The following OXGR1 variants were observed in gnomAD, a reference collection of about 807,000 sequenced individuals.
OXGR1 encodes 2-oxoglutarate receptor 1.
Under a neutral mutation model 10.0 loss-of-function variants are expected in OXGR1, and 10 were observed. The observed-to-expected ratio is 1.00, with a 90% CI of 0.62 to 1.70. The LOEUF (loss-of-function observed/expected upper bound fraction) is 1.70, where lower values mean the gene tolerates loss of function less well. Ranked by LOEUF, OXGR1 falls within the 40% of genes most tolerant of loss-of-function variation. The pLI, the probability that OXGR1 is intolerant of heterozygous loss-of-function variation, is 0.00. For missense variants in OXGR1, 398 were observed against 407.6 expected, an observed-to-expected ratio of 0.98 and a Z score of 0.20; for synonymous variants, 191 against 155.9, an observed-to-expected ratio of 1.22 and a Z score of -1.68.
chr13:96,993,636 A>C (rs1882169295), intron 1 of OXGR1, among the ~76,000 whole-genome samples: 1 of 152,232 alleles, frequency 6.6e-6, no homozygotes, highest in Non-Finnish European at 1.5e-5. Flanking sequence ...GGGAGAAACA[A>C]ATACAACTTC....
At chr13:96,992,680 A>G (rs1882117379) in intron 1 of OXGR1, 108 bp from the exon 2 acceptor site, 1 of 152,238 alleles carries the variant, frequency 6.6e-6, no homozygotes, top group Admixed American at 6.5e-5. Flanking sequence ...AGAAAGTGGG[A>G]TTAATGATGA....
At position 96,987,537 on chromosome 13, in the gene OXGR1, G is replaced by A; in HGVS notation, c.223C>T (p.Leu75=). 2 of 1,614,104 alleles carry A rather than the reference G, an allele frequency of 1.2e-6. No homozygotes were observed. Among genetic ancestry groups the A allele is most frequent in the South Asian group, 1.1e-5 (1 of 91,064 alleles). Residue 75 remains leucine (L), a synonymous_variant, in exon 4 of 4, where the codon CTG becomes TTG. Coordinates refer to ENST00000541038, the MANE Select transcript of OXGR1 (RefSeq NM_001346194.2). Reference sequence around the variant, plus strand: ...AGATACAGCAGATCTGTGCAGGCCAGGTTCAGCATAATGATGGTGCTGCTC... The same window carrying A: ...AGATACAGCAGATCTGTGCAGGCCAAGTTCAGCATAATGATGGTGCTGCTC... The part of the protein sequence containing the change: ...WKSSTIIMLN[L]ACTDLLYLTS...
rs1202635243 is a variant in OXGR1, at chr13:96,987,734, G to GCTAAAGAGT, written c.25_26insACTCTTTAG (p.Leu8_Ala9insAspSerLeu). On this transcript the variant is annotated inframe_insertion, in exon 4 of 4. Coordinates refer to ENST00000541038, the MANE Select transcript of OXGR1 (RefSeq NM_001346194.2). Reference sequence around the variant, plus strand: ...ATAATCGGGGAAATCAGAAGCATTTGCTAAATAGTCTAGTGGCTCATTCAT... The same window carrying GCTAAAGAGT: ...ATAATCGGGGAAATCAGAAGCATTTGCTAAAGAGTCTAAATAGTCTAGTGGCTCATTCAT... The GCTAAAGAGT allele has an allele frequency of 6.2e-7, 1 of 1,601,932 alleles. No homozygotes were observed. The highest frequency in any genetic ancestry group is 8.5e-7 in the Non-Finnish European group (1 of 1,173,186).
intron 2 of OXGR1, among the ~76,000 whole-genome samples, chr13:96,992,197 C>G (rs774040490): frequency 4.0e-4 from 60 of 151,702 alleles, no homozygotes; most frequent in Middle Eastern, 3.4e-3. Flanking sequence ...TGACCATAGT[C>G]ATAATAACTT....
chr13:96,991,390 C>T (rs1344417503), intron 2 of OXGR1, among the ~76,000 whole-genome samples: 1 of 152,174 alleles, frequency 6.6e-6, no homozygotes, highest in Non-Finnish European at 1.5e-5. Context: ...CAAATCATTT[C>T]AACTCAAAGG....
chr13:96,992,746 T>A (rs1435679817), intron 1 of OXGR1, among the ~76,000 whole-genome samples, 174 bp from the exon 2 acceptor site: 2 of 152,168 alleles, frequency 1.3e-5, no homozygotes, highest in Non-Finnish European at 2.9e-5. Flanking sequence ...GTTGGATAAG[T>A]TAAGCTCATT....
chr13:96,988,190 C>T (rs1309590430), intron 3 of OXGR1, among the ~76,000 whole-genome samples: 1 of 152,140 alleles, frequency 6.6e-6, no homozygotes, highest in Non-Finnish European at 1.5e-5. Flanking sequence ...TGATGCATGC[C>T]ACCATCACTT....
At chr13:96,994,623 TGC>T (rs1882228163), upstream of OXGR1, 1 of 152,110 alleles carries the variant, frequency 6.6e-6, no homozygotes, top group African/African-American at 2.4e-5. Context: ...GGAGGGTTGT[TGC>T]CCCAGGAGGG....
At position 96,987,562 on chromosome 13, in the gene OXGR1, C is replaced by T. The variant is rs1394448894; in HGVS notation, c.198G>A (p.Lys66=). ...GGTTCAGCATAATGATGGTGCTGCT[C>T]TTCCAAGGTCTCATTTTGAAAATGT... The part of the protein sequence containing the change: ...STYIFKMRPW[K]SSTIIMLNLA... Residue 66 remains lysine, a synonymous_variant, in exon 4 of 4, where the codon AAG becomes AAA. Coordinates refer to ENST00000541038, the MANE Select transcript of OXGR1 (RefSeq NM_001346194.2). The T allele has an allele frequency of 6.2e-7, 1 of 1,614,096 alleles. No homozygotes were observed. The highest frequency in any genetic ancestry group is 8.5e-7 in the Non-Finnish European group (1 of 1,179,988).
At chr13:96,991,443 C>A (rs1882054586) in intron 2 of OXGR1, among the ~76,000 whole-genome samples, 1 of 152,240 alleles carries the variant, frequency 6.6e-6, no homozygotes, top group African/African-American at 2.4e-5. Flanking sequence ...ATATTCCCTT[C>A]TCTTTCTACA....
At chr13:96,990,946 C>CAAAAAAAAGAAAAAAAAAAAA (rs1882023179) in intron 2 of OXGR1, among the ~76,000 whole-genome samples, 1 of 97,210 alleles carries the variant, frequency 1.0e-5, no homozygotes, top group African/African-American at 4.8e-5. Context: ...AAGACTCTTT[C>CAAAAAAAAGAAAAAAAAAAAA]AAAAAAAAAA....
intron 3 of OXGR1, 111 bp downstream of exon 3, chr13:96,989,647 C>G (rs1881952301): frequency 6.6e-6 from 1 of 152,228 alleles, no homozygotes; most frequent in South Asian, 2.1e-4. Flanking sequence ...TAGGGGTGAG[C>G]CAGGATACGA....
chr13:96,992,126 CA>C (rs113953067), intron 2 of OXGR1, among the ~76,000 whole-genome samples: 70 of 125,966 alleles, frequency 5.6e-4, no homozygotes, highest in Admixed American at 8.0e-4. Context: ...CTAATGTGTA[CA>C]AAAAAAAAAA....
Position 96,986,607 on chromosome 13 carries a change from T to A in OXGR1, c.*139A>T, listed in dbSNP as rs913236927. On this transcript the variant is annotated 3_prime_UTR_variant, in exon 4 of 4. Transcript: ENST00000541038. Reference sequence around the variant, plus strand: ...AAAGGGATTGCAAAGAACTAGAAGCTCTGCCCTGGCTTTGGCACATGATTA... The same window carrying A: ...AAAGGGATTGCAAAGAACTAGAAGCACTGCCCTGGCTTTGGCACATGATTA... 75 of 857,408 alleles carry A rather than the reference T, an allele frequency of 8.7e-5. 2 individuals carry two copies. The Middle Eastern group carries it at 1.0e-3, about 12-fold the overall frequency. 53.1% of individuals were successfully genotyped at this position (857,408 alleles called of 1,614,324 possible). A position where few individuals can be genotyped will look rare whatever the true frequency, so the allele number is the denominator to read the frequency against.
chr13:96,988,621 A>G (rs1486809519), intron 3 of OXGR1, among the ~76,000 whole-genome samples: 1 of 152,108 alleles, frequency 6.6e-6, no homozygotes, highest in Non-Finnish European at 1.5e-5. Flanking sequence ...GGCGGGATCA[A>G]TGGTATAATG....
At chr13:96,989,041 C>T (rs1302099741) in intron 3 of OXGR1, among the ~76,000 whole-genome samples, 3 of 152,094 alleles carry the variant, frequency 2.0e-5, no homozygotes, top group Non-Finnish European at 4.4e-5. Context: ...TATAAACCCA[C>T]CTCATGGAGC....
chr13:96,986,968 C>T lies in OXGR1; in HGVS notation c.792G>A (p.Arg264=). ...TGATTGAAAGCAGGCGAGATTCGATCCGAATGACCCTCAAGATATGGAAGG... is the reference window on the plus strand; with the variant it reads ...TGATTGAAAGCAGGCGAGATTCGATTCGAATGACCCTCAAGATATGGAAGG... The part of the protein sequence containing the change: ...FLPFHILRVI[R]IESRLLSISC... Residue 264 remains arginine (R), a synonymous_variant, in exon 4 of 4, where the codon CGG becomes CGA. Coordinates refer to ENST00000541038, the MANE Select transcript of OXGR1 (RefSeq NM_001346194.2). The T allele has an allele frequency of 6.2e-7, 1 of 1,614,152 alleles. No homozygotes were observed. Among genetic ancestry groups the T allele is most frequent in the East Asian group, 2.2e-5 (1 of 44,886 alleles).
chr13:96,989,350 G>T (rs1465021840), intron 3 of OXGR1, among the ~76,000 whole-genome samples: 2 of 152,180 alleles, frequency 1.3e-5, no homozygotes, highest in African/African-American at 2.4e-5. Context: ...TGACTGCCCT[G>T]AGTATACTCT....
Position 96,987,576 on chromosome 13 carries a change from T to G in OXGR1, c.184A>C (p.Met62Leu). Residue 62 changes from methionine (M) to leucine (L), a missense_variant, in exon 4 of 4, where the codon ATG (methionine) becomes CTG (leucine). Physicochemically the swap from Met to Leu is conservative, Grantham distance 15. Transcript: ENST00000541038. ...ATGGTGCTGCTCTTCCAAGGTCTCATTTTGAAAATGTAAGTGGATATCACT... is the reference window on the plus strand; with the variant it reads ...ATGGTGCTGCTCTTCCAAGGTCTCAGTTTGAAAATGTAAGTGGATATCACT... ...AVVISTYIFK[M>L]RPWKSSTIIM... 1 of 1,614,128 alleles carries G rather than the reference T, an allele frequency of 6.2e-7. No homozygotes were observed. The highest frequency in any genetic ancestry group is 8.5e-7 in the Non-Finnish European group (1 of 1,180,010).
Sources: allele counts gnomAD v4.1 joint callset (sites outside exome capture counted in the v4.1 genomes callset), GRCh38; gene constraint gnomAD v4.1.1; transcripts MANE v1.5; gene names NCBI Gene and HGNC (gene_info 2026-07-23, HGNC 2026-07-21).